WIPF3: variants seen among roughly 807,000 people sequenced by gnomAD.
WIPF3 encodes WAS/WASL-interacting protein family member 3.
A neutral mutation model predicts 38.9 loss-of-function variants in WIPF3; 33 were observed. The ratio of observed to expected loss-of-function variants is 0.85; its 90% CI spans 0.64 to 1.14. The LOEUF is 1.14. Ranked by LOEUF, WIPF3 falls within the 50% of genes most tolerant of loss-of-function variation. WIPF3 has a pLI of 0.00. For synonymous variants in WIPF3, 324 were observed against 269.3 expected, an observed-to-expected ratio of 1.20 and a Z score of -1.99; for missense variants, 711 against 652.5, an observed-to-expected ratio of 1.09 and a Z score of -0.98.
intron 2 of WIPF3, among the ~76,000 whole-genome samples, chr7:29,840,976 C>T (rs57000146): frequency 0.015 from 2,353 of 152,180 alleles, 64 homozygotes; most frequent in African/African-American, 0.054. Context: ...GAGATGGGGT[C>T]GTTCTTGCTA....
At chr7:29,828,909 A>T (rs1784670651) in intron 1 of WIPF3, among the ~76,000 whole-genome samples, 1 of 152,212 alleles carries the variant, frequency 6.6e-6, no homozygotes, top group Non-Finnish European at 1.5e-5. Context: ...CTGCCCAAGG[A>T]GGAAGATGCT....
intron 2 of WIPF3, among the ~76,000 whole-genome samples, chr7:29,865,909 A>G (rs1391410682): frequency 6.6e-6 from 1 of 152,202 alleles, no homozygotes; most frequent in Non-Finnish European, 1.5e-5. Context: ...CTGTAATCCT[A>G]GCACTTTGGG....
At position 29,916,657 on chromosome 7, in the gene WIPF3, G is replaced by A. The variant is rs1257339340; in HGVS notation, c.*2141G>A. On this transcript the variant is annotated 3_prime_UTR_variant, in exon 9 of 9. Coordinates refer to ENST00000242140, the MANE Select transcript of WIPF3 (RefSeq NM_001080529.3). ...GAACCCTGGAGGTGGAGGTTGCAGTGAGCTGAGATGGCACCACTGCACTCT... is the reference window on the plus strand; with the variant it reads ...GAACCCTGGAGGTGGAGGTTGCAGTAAGCTGAGATGGCACCACTGCACTCT... 1.3e-5 allele frequency: 2 copies of A among 151,964 alleles called. No individual in the cohort carries two copies. The highest frequency in any genetic ancestry group is 2.9e-5 in the Non-Finnish European group (2 of 68,082). The allele number at this position is 151,964 out of a possible 1,614,324, so 9.4% of individuals were successfully genotyped here. A position where few individuals can be genotyped will look rare whatever the true frequency, so the allele number is the denominator to read the frequency against.
At chr7:29,835,322 T>A (rs1235657588) in intron 2 of WIPF3, among the ~76,000 whole-genome samples, 1 of 152,162 alleles carries the variant, frequency 6.6e-6, no homozygotes, top group East Asian at 1.9e-4. Flanking sequence ...TTTCAGTTCG[T>A]GTTGCTGAAT....
rs577325102 is a variant in WIPF3 at position 29,843,453 on chromosome 7, C to T, written c.90+8639C>T. Among the ~76,000 whole-genome samples, 8 of 152,252 alleles carry T rather than the reference C, an allele frequency of 5.3e-5. No homozygotes were observed. In the East Asian group the frequency reaches 9.7e-4, roughly 18 times the overall value. On this transcript the variant is annotated intron_variant, in intron 2 of 8. Coordinates refer to ENST00000242140, the MANE Select transcript of WIPF3 (RefSeq NM_001080529.3). ...TTTCATAGGAGCCCGGAGCATAAGC[C>T]GCTCGCAGGCGGTGTCTGAGCTGAG...
intron 7 of WIPF3, among the ~76,000 whole-genome samples, chr7:29,892,841 A>T (rs929958047): frequency 7.2e-5 from 11 of 152,086 alleles, no homozygotes; most frequent in Non-Finnish European, 8.8e-5. Context: ...TGAGGCAGGC[A>T]GATCACCTGA....
intron 2 of WIPF3, among the ~76,000 whole-genome samples, chr7:29,836,103 G>A (rs1784795744): frequency 6.6e-6 from 1 of 152,232 alleles, no homozygotes; most frequent in African/African-American, 2.4e-5. Context: ...AAAGCACATA[G>A]TATAAATTAC....
At position 29,807,055 on chromosome 7, in the gene WIPF3, C is replaced by T. The variant is rs1353476107; in HGVS notation, c.-58+377C>T. ...CGCCTCGGCCTGGTCCTTCGCGACGCTCTCTCTTCTCCGCTTCGCCCCCGG... is the reference window on the plus strand; with the variant it reads ...CGCCTCGGCCTGGTCCTTCGCGACGTTCTCTCTTCTCCGCTTCGCCCCCGG... On this transcript the variant is annotated intron_variant, in intron 1 of 8. Transcript: ENST00000242140. Among the ~76,000 whole-genome samples the T allele has an allele frequency of 3.3e-5, 5 of 152,092 alleles. No homozygotes were observed. The East Asian group carries it at 9.7e-4, about 30-fold the overall frequency.
At chr7:29,904,601 T>A in intron 8 of WIPF3, 1 of 494,164 alleles carries the variant, frequency 2.0e-6, no homozygotes, top group Non-Finnish European at 3.6e-6. Flanking sequence ...GAAGCAAGTT[T>A]AGCAACTCTG....
At chr7:29,808,290 C>T (rs1297390533) in intron 1 of WIPF3, among the ~76,000 whole-genome samples, 2 of 152,122 alleles carry the variant, frequency 1.3e-5, no homozygotes, top group South Asian at 2.1e-4. Flanking sequence ...AAAGAAGTGG[C>T]GAGGAGGGGC....
intron 2 of WIPF3, among the ~76,000 whole-genome samples, chr7:29,848,187 G>A (rs1390171300): frequency 6.6e-6 from 1 of 152,192 alleles, no homozygotes; most frequent in Non-Finnish European, 1.5e-5. Flanking sequence ...ACCCACATGG[G>A]TGCAGCTATA....
chr7:29,831,775 G>C (rs1784726792), intron 1 of WIPF3, among the ~76,000 whole-genome samples: 2 of 152,144 alleles, frequency 1.3e-5, no homozygotes, highest in Admixed American at 1.3e-4. Flanking sequence ...ACAGTCAATG[G>C]GCGGGGAAAG....
At chr7:29,888,787 T>A (rs1180274909) in intron 6 of WIPF3, among the ~76,000 whole-genome samples, 1 of 152,182 alleles carries the variant, frequency 6.6e-6, no homozygotes, top group Non-Finnish European at 1.5e-5. Flanking sequence ...CCTCCCCTCC[T>A]GCCAACAGAT....
Position 29,914,415 on chromosome 7 carries a change from G to T in WIPF3, c.1429-78G>T, listed in dbSNP as rs908762048. On this transcript the variant is annotated intron_variant, in intron 8 of 8. Coordinates refer to ENST00000242140, the MANE Select transcript of WIPF3 (RefSeq NM_001080529.3). ...AGAAGCTTCGGGGCCCAGCCTGTTT[G>T]GGGGGGTGGAGGAGGAAGGCTTTCA... The T allele has an allele frequency of 1.6e-4, 185 of 1,124,710 alleles. 2 individuals carry two copies. Among genetic ancestry groups the T allele is most frequent in the African/African-American group, 2.5e-4 (15 of 60,824 alleles). 69.7% of individuals were successfully genotyped at this position (1,124,710 alleles called of 1,614,324 possible).
intron 4 of WIPF3, among the ~76,000 whole-genome samples, chr7:29,882,700 G>A (rs1785747334): frequency 1.3e-5 from 2 of 152,182 alleles, no homozygotes; most frequent in South Asian, 4.2e-4. Flanking sequence ...AACAGATGCT[G>A]GGATTTCTAA....
chr7:29,906,315 G>C (rs1484647808), intron 8 of WIPF3: 1 of 152,154 alleles, frequency 6.6e-6, no homozygotes, highest in African/African-American at 2.4e-5. Flanking sequence ...TCAAGAAACG[G>C]ATGTATGAAC....
Position 29,879,076 on chromosome 7 carries a change from C to G in WIPF3, c.291C>G (p.Thr97=). ...CACGAGGCGCGAGCACACCTCCCAC[C>G]CTGGGAGATCTGTTTGCTGGTGGCT... The part of the protein sequence containing the change: ...ANTRGASTPP[T]LGDLFAGGFP... Residue 97 remains threonine, a synonymous_variant, in exon 4 of 9, where the codon ACC becomes ACG. Coordinates refer to ENST00000242140, the MANE Select transcript of WIPF3 (RefSeq NM_001080529.3). 6.2e-7 allele frequency: 1 copy of G among 1,611,322 alleles called. No individual in the cohort carries two copies. The highest frequency in any genetic ancestry group is 8.5e-7 in the Non-Finnish European group (1 of 1,178,712).
intron 7 of WIPF3, among the ~76,000 whole-genome samples, chr7:29,904,023 T>C (rs926711453): frequency 1.3e-5 from 2 of 152,112 alleles, no homozygotes; most frequent in African/African-American, 4.8e-5. Flanking sequence ...TCCCTGGAGA[T>C]GGTATATTTG....
intron 1 of WIPF3, among the ~76,000 whole-genome samples, chr7:29,834,375 A>G (rs1416441194): frequency 1.3e-5 from 2 of 152,148 alleles, no homozygotes; most frequent in African/African-American, 2.4e-5. Flanking sequence ...GGATTGCTAT[A>G]TATATATACA....
Sources: allele counts gnomAD v4.1 joint callset (sites outside exome capture counted in the v4.1 genomes callset), GRCh38; gene constraint gnomAD v4.1.1; transcripts MANE v1.5; gene names NCBI Gene and HGNC (gene_info 2026-07-23, HGNC 2026-07-21).